PPP1R14C: variants seen among roughly 807,000 people sequenced by gnomAD.
PPP1R14C encodes protein phosphatase 1 regulatory inhibitor subunit 14C.
A neutral mutation model predicts 20.4 loss-of-function variants in PPP1R14C; 16 were observed. The ratio of observed to expected loss-of-function variants is 0.78; its 90% CI spans 0.53 to 1.19. PPP1R14C has a LOEUF of 1.19. Ranked by LOEUF, PPP1R14C falls within the 50% of genes most tolerant of loss-of-function variation. The probability of loss-of-function intolerance (pLI) is 0.00; values close to 1 mark genes in which losing one functional copy is unlikely to be tolerated. For synonymous variants in PPP1R14C, 91 were observed against 91.0 expected (o/e 1.00, Z 0.00); for missense variants, 211 against 220.1 (o/e 0.96, Z 0.26).
chr6:150,220,598 C>T (rs916010656), intron 3 of PPP1R14C, among the ~76,000 whole-genome samples: 5 of 152,202 alleles, frequency 3.3e-5, no homozygotes, highest in Non-Finnish European at 5.9e-5. Context: ...GCTGCAGACA[C>T]GCATTCACTA....
At chr6:150,163,386 G>A (rs753563331) in intron 1 of PPP1R14C, among the ~76,000 whole-genome samples, 12 of 152,102 alleles carry the variant, frequency 7.9e-5, no homozygotes, top group Non-Finnish European at 1.6e-4. Context: ...GCAAGACTCC[G>A]TCTCAAAAAC....
At chr6:150,178,048 C>G (rs1414047596) in intron 1 of PPP1R14C, among the ~76,000 whole-genome samples, 1 of 152,206 alleles carries the variant, frequency 6.6e-6, no homozygotes, top group East Asian at 1.9e-4. Context: ...GTTACAGTCT[C>G]CTAGAGGGCT....
intron 3 of PPP1R14C, among the ~76,000 whole-genome samples, chr6:150,239,158 A>G (rs2091958360): frequency 6.6e-6 from 1 of 152,240 alleles, no homozygotes; most frequent in Admixed American, 6.5e-5. Context: ...TCACTTGAAT[A>G]TCCTGCAACA....
intron 1 of PPP1R14C, among the ~76,000 whole-genome samples, chr6:150,150,289 G>A (rs1328594242): frequency 6.6e-6 from 1 of 152,162 alleles, no homozygotes; most frequent in Non-Finnish European, 1.5e-5. Flanking sequence ...AACAGGAACT[G>A]AAAGGTGGTA....
At chr6:150,166,281 C>T (rs1229715109) in intron 1 of PPP1R14C, among the ~76,000 whole-genome samples, 1 of 152,056 alleles carries the variant, frequency 6.6e-6, no homozygotes, top group East Asian at 1.9e-4. Context: ...GGGGTTTCAC[C>T]ATGTTAGCCA....
At position 150,151,989 on chromosome 6, in the gene PPP1R14C, G is replaced by A. The variant is rs915933546; in HGVS notation, c.306+8491G>A. Among the ~76,000 whole-genome samples the A allele has an allele frequency of 5.3e-5, 8 of 151,538 alleles. No individual in the cohort carries two copies. In the East Asian group the frequency reaches 1.4e-3, roughly 26 times the overall value. On this transcript the variant is annotated intron_variant, in intron 1 of 3. Transcript: ENST00000361131. The stretch of plus-strand genomic sequence containing the variant: ...CAAAAAATTAGCCGGGCGTAGTGGC[G>A]GGCGCCTGTAGTCCCAGCTACTTGG...
At chr6:150,238,298 G>A (rs1398418091) in intron 3 of PPP1R14C, among the ~76,000 whole-genome samples, 4 of 152,204 alleles carry the variant, frequency 2.6e-5, no homozygotes, top group African/African-American at 7.2e-5. Flanking sequence ...TAGGAAACTA[G>A]AATGGCCAGA....
At chr6:150,162,800 C>T (rs1777384573) in intron 1 of PPP1R14C, among the ~76,000 whole-genome samples, 1 of 152,120 alleles carries the variant, frequency 6.6e-6, no homozygotes, top group African/African-American at 2.4e-5. Context: ...ATGAATAAAT[C>T]AGAATGGCTT....
intron 1 of PPP1R14C, among the ~76,000 whole-genome samples, chr6:150,161,589 C>G (rs1777368558): frequency 1.3e-5 from 2 of 152,246 alleles, no homozygotes; most frequent in South Asian, 4.1e-4. Context: ...GTGGTTCCCA[C>G]CATCCGTATC....
At chr6:150,174,363 G>A (rs1484170927) in intron 1 of PPP1R14C, among the ~76,000 whole-genome samples, 3 of 151,880 alleles carry the variant, frequency 2.0e-5, no homozygotes, top group Non-Finnish European at 2.9e-5. Context: ...GGGACTACCG[G>A]TGCCCCCCAC....
At position 150,168,983 on chromosome 6, in the gene PPP1R14C, T is replaced by C. The variant is rs150594047; in HGVS notation, c.306+25485T>C. ...CATCTGCCTCCCAGGCTCAAGTCAT[T>C]GTCCTGCCTCAGCCTCCCAAGTAGC... On this transcript the variant is annotated intron_variant, in intron 1 of 3. Transcript: ENST00000361131. 5.5e-3 allele frequency among the ~76,000 whole-genome samples: 844 copies of C among 152,290 alleles called. 6 individuals are homozygous for C. The highest frequency in any genetic ancestry group is 0.018 in the African/African-American group (738 of 41,556).
intron 3 of PPP1R14C, among the ~76,000 whole-genome samples, chr6:150,224,187 T>G (rs374513454): frequency 6.6e-6 from 1 of 152,358 alleles, no homozygotes; most frequent in East Asian, 1.9e-4. Context: ...GGGTCTCTTT[T>G]CTATTCCAAT....
chr6:150,156,055 A>G (rs1777303010), intron 1 of PPP1R14C, among the ~76,000 whole-genome samples: 1 of 150,352 alleles, frequency 6.7e-6, no homozygotes, highest in Admixed American at 6.6e-5. Flanking sequence ...AAAAAAAAGA[A>G]AGAAAGAAAA....
intron 3 of PPP1R14C, among the ~76,000 whole-genome samples, chr6:150,233,085 G>A (rs1393294249): frequency 6.6e-6 from 1 of 152,178 alleles, no homozygotes; most frequent in Non-Finnish European, 1.5e-5. Flanking sequence ...CCCAGAAAAT[G>A]TGGGTCTGGA....
At chr6:150,178,356 C>G (rs567783712) in intron 1 of PPP1R14C, among the ~76,000 whole-genome samples, 10 of 152,318 alleles carry the variant, frequency 6.6e-5, no homozygotes, top group Admixed American at 1.3e-4. Context: ...CCCCTGGGGA[C>G]AGTGGACGCT....
chr6:150,231,071 G>C (rs998498816), intron 3 of PPP1R14C, among the ~76,000 whole-genome samples: 1 of 152,246 alleles, frequency 6.6e-6, no homozygotes, highest in African/African-American at 2.4e-5. Context: ...ACGGACTAGT[G>C]CAGGGCGCAG....
intron 1 of PPP1R14C, among the ~76,000 whole-genome samples, chr6:150,159,318 G>C (rs1376329712): frequency 6.6e-6 from 1 of 152,228 alleles, no homozygotes; most frequent in Non-Finnish European, 1.5e-5. Context: ...AGATTTGACA[G>C]AGAGATTGTC....
At chr6:150,149,443 A>ATTTTTTTTTTTTTTTTTTTTTTTTTT (rs1216146263) in intron 1 of PPP1R14C, among the ~76,000 whole-genome samples, 1 of 119,940 alleles carries the variant, frequency 8.3e-6, no homozygotes, top group African/African-American at 3.3e-5. Context: ...CTCCCACCTA[A>ATTTTTTTTTTTTTTTTTTTTTTTTTT]TTTTTTTTTT....
chr6:150,152,099 G>C (rs959830694), intron 1 of PPP1R14C, among the ~76,000 whole-genome samples: 6 of 130,938 alleles, frequency 4.6e-5, no homozygotes, highest in Non-Finnish European at 1.6e-5. Context: ...CAGCCTGGGC[G>C]ACAGAGCGAG....
Sources: gnomAD v4.1 joint callset for allele counts (sites outside exome capture counted in the v4.1 genomes callset) on GRCh38, gnomAD v4.1.1 for gene constraint, MANE v1.5 for transcripts, NCBI Gene and HGNC (gene_info 2026-07-23, HGNC 2026-07-21) for gene names.